C20orf202: variants seen among roughly 807,000 people sequenced by gnomAD.
C20orf202 encodes uncharacterized protein C20orf202.
A neutral mutation model predicts 5.3 loss-of-function variants in C20orf202; 5 were observed. The observed-to-expected ratio is 0.94, with a 90% CI of 0.49 to 1.98. The LOEUF is 1.98. Ranked by LOEUF, C20orf202 falls within the 30% of genes most tolerant of loss-of-function variation. C20orf202 has a pLI of 0.01. For synonymous variants in C20orf202, 48 were observed against 50.0 expected (o/e 0.96, Z 0.16); for missense variants, 135 against 123.5 (o/e 1.09, Z -0.44).
rs1353375323 is a variant in C20orf202 at position 1,207,179 on chromosome 20, T to C, written c.*77T>C. 9.3e-7 allele frequency: 1 copy of C among 1,080,856 alleles called. No homozygotes were observed. Among genetic ancestry groups the C allele is most frequent in the Non-Finnish European group, 1.3e-6 (1 of 781,502 alleles). 67.0% of individuals were successfully genotyped at this position (1,080,856 alleles called of 1,614,324 possible). On this transcript the variant is annotated 3_prime_UTR_variant, in exon 2 of 2. Coordinates refer to ENST00000400633, the MANE Select transcript of C20orf202 (RefSeq NM_001394958.1). ...TCACTGTGATATTTCAGGGGCAGAG[T>C]GTTGGAATGGGAGTCAGAAAGCCAG...
chr20:1,205,100 T>C (rs1279664799), intron 1 of C20orf202, among the ~76,000 whole-genome samples: 3 of 144,868 alleles, frequency 2.1e-5, no homozygotes, highest in Non-Finnish European at 4.5e-5. Flanking sequence ...TTGCTTCACG[T>C]CTTTCCTTTT....
chr20:1,204,844 C>T (rs1190156351), intron 1 of C20orf202, among the ~76,000 whole-genome samples: 2 of 152,224 alleles, frequency 1.3e-5, no homozygotes, highest in Non-Finnish European at 2.9e-5. Context: ...GCATCCAGCA[C>T]TGGGCAGCTG....
chr20:1,208,738 T>G lies in C20orf202; in HGVS notation c.*1636T>G, dbSNP rs1600203975. ...CAGGTTCCAGACTCCTGGGGCCCCT[T>G]CCAGGAGCTCAGAGACATCAGCTTC... On this transcript the variant is annotated 3_prime_UTR_variant, in exon 2 of 2. Transcript: ENST00000400633. Among the ~76,000 whole-genome samples, 2 of 152,092 alleles carry G rather than the reference T, an allele frequency of 1.3e-5. No individual in the cohort carries two copies. The highest frequency in any genetic ancestry group is 4.8e-5 in the African/African-American group (2 of 41,410).
In C20orf202 at chr20:1,207,005, G is replaced by T; in HGVS notation, c.203G>T (p.Arg68Leu). Residue 68 changes from arginine to leucine, a missense_variant, in exon 2 of 2, where the codon CGA becomes CTA. Physicochemically the swap from Arg to Leu is moderately radical, Grantham distance 102. Transcript: ENST00000400633. ...SSGGTSPIRA[R>L]AGSEGRGCQP... Reference sequence around the variant, plus strand: ...GGAGGGACATCCCCCATCAGAGCTCGAGCGGGCTCCGAAGGCAGGGGCTGC... The same window carrying T: ...GGAGGGACATCCCCCATCAGAGCTCTAGCGGGCTCCGAAGGCAGGGGCTGC... The T allele has an allele frequency of 6.4e-7, 1 of 1,551,216 alleles. No homozygotes were observed. The highest frequency in any genetic ancestry group is 8.7e-7 in the Non-Finnish European group (1 of 1,146,632).
At position 1,207,205 on chromosome 20, in the gene C20orf202, G is replaced by C; in HGVS notation, c.*103G>C. ...GTTGGAATGGGAGTCAGAAAGCCAG[G>C]GCTCTGGGTTCATTTCTGCCCTCAT... On this transcript the variant is annotated 3_prime_UTR_variant, in exon 2 of 2. Coordinates refer to ENST00000400633, the MANE Select transcript of C20orf202 (RefSeq NM_001394958.1). 1.2e-6 allele frequency: 1 copy of C among 824,328 alleles called. No individual in the cohort carries two copies. The highest frequency in any genetic ancestry group is 2.8e-5 in the East Asian group (1 of 35,648). The allele number at this position is 824,328 out of a possible 1,614,324, so 51.1% of individuals were successfully genotyped here.
At position 1,206,889 on chromosome 20, in the gene C20orf202, T is replaced by G. The variant is rs2087133805; in HGVS notation, c.87T>G (p.Asp29Glu). ...CCTAGTCTGAGATGCAGATTCAAGA[T>G]CAGAGTCTCCTGCTCACACTGAGGC... The part of the protein sequence containing the change: ...RKELSEMQIQ[D>E]QSLLLTLRHL... The change falls in exon 2 of 2, where the codon GAT becomes GAG. Residue 29 changes from aspartate to glutamate, a missense_variant. By Grantham distance (45) the Asp-to-Glu change is conservative. Transcript: ENST00000400633. 1 of 1,541,900 alleles carries G rather than the reference T, an allele frequency of 6.5e-7. No homozygotes were observed. Among genetic ancestry groups the G allele is most frequent in the Non-Finnish European group, 8.8e-7 (1 of 1,139,928 alleles).
At position 1,203,576 on chromosome 20, in the gene C20orf202, G is replaced by C; in HGVS notation, c.-10G>C. Reference sequence around the variant, plus strand: ...AGGTCAGTGTCAAGGTCACTCCTAAGAACACTGAGATGAAAATAGCAGAAG... The same window carrying C: ...AGGTCAGTGTCAAGGTCACTCCTAACAACACTGAGATGAAAATAGCAGAAG... On this transcript the variant is annotated 5_prime_UTR_variant, in exon 1 of 2. Transcript: ENST00000400633. 6.4e-7 allele frequency: 1 copy of C among 1,551,680 alleles called. No individual in the cohort carries two copies.
chr20:1,203,981 A>T (rs910015539), intron 1 of C20orf202, among the ~76,000 whole-genome samples: 20 of 152,182 alleles, frequency 1.3e-4, no homozygotes, highest in African/African-American at 4.8e-4. Flanking sequence ...CAAAATGGGA[A>T]TAACAATAGT....
rs1354796133 is a variant in C20orf202 at position 1,208,498 on chromosome 20, G to C, written c.*1396G>C. On this transcript the variant is annotated 3_prime_UTR_variant, in exon 2 of 2. Transcript: ENST00000400633. The stretch of plus-strand genomic sequence containing the variant: ...GATGCTGGAGCTGGGTCCCTGCAAA[G>C]CACCTTTTGGTGTTACCAGCTGCTC... Among the ~76,000 whole-genome samples, 1 of 152,170 alleles carries C rather than the reference G, an allele frequency of 6.6e-6. No individual in the cohort carries two copies. Among genetic ancestry groups the C allele is most frequent in the Non-Finnish European group, 1.5e-5 (1 of 68,028 alleles).
At position 1,207,227 on chromosome 20, in the gene C20orf202, T is replaced by C; in HGVS notation, c.*125T>C. On this transcript the variant is annotated 3_prime_UTR_variant, in exon 2 of 2. Coordinates refer to ENST00000400633, the MANE Select transcript of C20orf202 (RefSeq NM_001394958.1). The stretch of plus-strand genomic sequence containing the variant: ...CAGGGCTCTGGGTTCATTTCTGCCC[T>C]CATCTGCTGTGCATCCCTGGATCTG... The C allele has an allele frequency of 1.6e-6, 1 of 616,188 alleles. No individual in the cohort carries two copies. The highest frequency in any genetic ancestry group is 2.7e-6 in the Non-Finnish European group (1 of 367,116). 38.2% of individuals were successfully genotyped at this position (616,188 alleles called of 1,614,324 possible).
Position 1,208,781 on chromosome 20 carries a change from C to A in C20orf202, c.*1679C>A, listed in dbSNP as rs1326011965. Among the ~76,000 whole-genome samples the A allele has an allele frequency of 6.6e-6, 1 of 152,124 alleles. No homozygotes were observed. Among genetic ancestry groups the A allele is most frequent in the African/African-American group, 2.4e-5 (1 of 41,410 alleles). ...TCAGCTTCAGATGCCAGTCCCTCCT[C>A]CCCTGAAGTGTGGGTCCCTGCCTTA... On this transcript the variant is annotated 3_prime_UTR_variant, in exon 2 of 2. Transcript: ENST00000400633.
intron 1 of C20orf202, among the ~76,000 whole-genome samples, chr20:1,205,045 G>A (rs13043329): frequency 6.6e-6 from 1 of 151,976 alleles, no homozygotes; most frequent in Non-Finnish European, 1.5e-5. Flanking sequence ...CACTCGCTCT[G>A]CAGCCTGAGT....
In C20orf202 at chr20:1,207,798, T is replaced by C. The variant is rs1485996420; in HGVS notation, c.*696T>C. On this transcript the variant is annotated 3_prime_UTR_variant, in exon 2 of 2. Coordinates refer to ENST00000400633, the MANE Select transcript of C20orf202 (RefSeq NM_001394958.1). ...CCAGGTAAAGAAGACCTGTCTGCAG[T>C]AGGAAGGAAAGAGGCTAATCTCCAA... The C allele has an allele frequency of 1.3e-5, 2 of 152,006 alleles. No homozygotes were observed. The highest frequency in any genetic ancestry group is 4.8e-5 in the African/African-American group (2 of 41,360). 9.4% of individuals were successfully genotyped at this position (152,006 alleles called of 1,614,324 possible).
At chr20:1,204,093 C>T (rs967830765) in intron 1 of C20orf202, among the ~76,000 whole-genome samples, 6 of 152,140 alleles carry the variant, frequency 3.9e-5, no homozygotes, top group Admixed American at 2.0e-4. Context: ...AACCCTGACC[C>T]AGATGGACAT....
At chr20:1,205,205 A>G (rs1162634344) in intron 1 of C20orf202, among the ~76,000 whole-genome samples, 1 of 151,150 alleles carries the variant, frequency 6.6e-6, no homozygotes, top group African/African-American at 2.4e-5. Flanking sequence ...TCCTGGGTTC[A>G]AGTGATTCCC....
At position 1,204,259 on chromosome 20, in the gene C20orf202, C is replaced by T. The variant is rs144974308; in HGVS notation, c.66+608C>T. The stretch of plus-strand genomic sequence containing the variant: ...AGGCCAATGCTATGCCAGGCAATTA[C>T]GCCAGACATTGTATTACCAAGCAGC... On this transcript the variant is annotated intron_variant, in intron 1 of 1. Transcript: ENST00000400633. 7.0e-3 allele frequency among the ~76,000 whole-genome samples: 1,066 copies of T among 152,140 alleles called. 6 individuals are homozygous for T. The highest frequency in any genetic ancestry group is 0.016 in the African/African-American group (667 of 41,480).
chr20:1,207,670 G>A lies in C20orf202; in HGVS notation c.*568G>A, dbSNP rs2087138511. ...AAAAAGATGATTGGCCCAATGGATG[G>A]TCATGTGAACCAACAGAGCCAGTCA... On this transcript the variant is annotated 3_prime_UTR_variant, in exon 2 of 2. Transcript: ENST00000400633. 1 of 152,216 alleles carries A rather than the reference G, an allele frequency of 6.6e-6. No individual in the cohort carries two copies. Among genetic ancestry groups the A allele is most frequent in the Non-Finnish European group, 1.5e-5 (1 of 68,066 alleles). 9.4% of individuals were successfully genotyped at this position (152,216 alleles called of 1,614,324 possible).
rs1440243099 is a variant in C20orf202 at position 1,207,493 on chromosome 20, C to G, written c.*391C>G. 1 of 161,000 alleles carries G rather than the reference C, an allele frequency of 6.2e-6. No individual in the cohort carries two copies. The highest frequency in any genetic ancestry group is 1.3e-5 in the Non-Finnish European group (1 of 74,180). 10.0% of individuals were successfully genotyped at this position (161,000 alleles called of 1,614,324 possible). A position where few individuals can be genotyped will look rare whatever the true frequency, so the allele number is the denominator to read the frequency against. On this transcript the variant is annotated 3_prime_UTR_variant, in exon 2 of 2. Transcript: ENST00000400633. Reference sequence around the variant, plus strand: ...GTGTTGCTATGGTGAAAATTCCAACCCCTGTGTAGTGACTTAGTGGCTGTT... The same window carrying G: ...GTGTTGCTATGGTGAAAATTCCAACGCCTGTGTAGTGACTTAGTGGCTGTT...
chr20:1,208,419 G>A lies in C20orf202; in HGVS notation c.*1317G>A, dbSNP rs1431926346. 1 of 152,178 alleles carries A rather than the reference G, an allele frequency of 6.6e-6. No individual in the cohort carries two copies. Among genetic ancestry groups the A allele is most frequent in the East Asian group, 1.9e-4 (1 of 5,194 alleles). 9.4% of individuals were successfully genotyped at this position (152,178 alleles called of 1,614,324 possible). On this transcript the variant is annotated 3_prime_UTR_variant, in exon 2 of 2. Transcript: ENST00000400633. Reference sequence around the variant, plus strand: ...GTGCATTATAAGTATAATGTTTGTAGTCAGATCAACCTGTGATTTTTGTAT... The same window carrying A: ...GTGCATTATAAGTATAATGTTTGTAATCAGATCAACCTGTGATTTTTGTAT...
Sources: allele counts gnomAD v4.1 joint callset (sites outside exome capture counted in the v4.1 genomes callset), GRCh38; gene constraint gnomAD v4.1.1; transcripts MANE v1.5; gene names NCBI Gene and HGNC (gene_info 2026-07-23, HGNC 2026-07-21).